Variants in HHIPL2 observed in about 807,000 individuals in gnomAD.
HHIPL2 encodes HHIP like 2.
A neutral mutation model predicts 61.0 loss-of-function variants in HHIPL2; 61 were observed. The ratio of observed to expected loss-of-function variants is 1.00; its 90% confidence interval spans 0.81 to 1.24. The LOEUF (loss-of-function observed/expected upper bound fraction) is 1.24. Ranked by LOEUF, HHIPL2 falls within the 50% of genes most tolerant of loss-of-function variation. The pLI is 0.00. For synonymous variants in HHIPL2, 343 were observed against 357.4 expected (o/e 0.96, Z 0.45); for missense variants, 885 against 910.2 (o/e 0.97, Z 0.36).
intron 4 of HHIPL2, 93 bp downstream of exon 4, chr1:222,539,917 C>A: frequency 9.5e-7 from 1 of 1,054,458 alleles, no homozygotes; most frequent in Non-Finnish European, 1.4e-6. Flanking sequence ...ATTTAAATGA[C>A]CTGCAGGGCA....
chr1:222,545,439 C>T (rs1659534531), intron 1 of HHIPL2, among the ~76,000 whole-genome samples: 1 of 152,110 alleles, frequency 6.6e-6, no homozygotes, highest in Non-Finnish European at 1.5e-5. Context: ...TTCGCAGGCT[C>T]CCCTCGGGGT....
At position 222,522,803 on chromosome 1, in the gene HHIPL2, T is replaced by C. The variant is rs1353204958; in HGVS notation, c.1973A>G (p.Gln658Arg). 6.2e-7 allele frequency: 1 copy of C among 1,614,024 alleles called. No individual in the cohort carries two copies. The highest frequency in any genetic ancestry group is 8.5e-7 in the Non-Finnish European group (1 of 1,180,028). ...SSATLASGPA[Q>R]GLSEKGSSKK... is the part of the protein sequence containing the mutation. ...GGAGGAGCCTTTCTCAGACAAACCC[T>C]GGGCTGGGCCAGAAGCTAAGGTTGC... The change falls in exon 9 of 9, where the codon CAG (glutamine) becomes CGG (arginine). Residue 658 changes from glutamine (Q) to arginine (R), a missense_variant. Coordinates refer to ENST00000343410, the MANE Select transcript of HHIPL2 (RefSeq NM_024746.4).
rs781259737 is a variant in HHIPL2, at chr1:222,538,772, C to G, written c.1453G>C (p.Asp485His). ...KKLCHNASLD[D>H]VLPIYAYGHA... Reference sequence around the variant, plus strand: ...CCATAAGCATAGATTGGCAGAACATCATCTGTCCAGGAGAGAGGAAAGAGA... The same window carrying G: ...CCATAAGCATAGATTGGCAGAACATGATCTGTCCAGGAGAGAGGAAAGAGA... Residue 485 changes from aspartate (D) to histidine (H), a missense_variant and splice_region_variant, in exon 5 of 9, where the codon GAT becomes CAT. Transcript: ENST00000343410. 6.2e-7 allele frequency: 1 copy of G among 1,614,106 alleles called. No homozygotes were observed. The highest frequency in any genetic ancestry group is 1.7e-5 in the Admixed American group (1 of 60,020).
Position 222,539,978 on chromosome 1 carries a change from C to T in HHIPL2, c.1450+32G>A, listed in dbSNP as rs747470915. On this transcript the variant is annotated intron_variant, in intron 4 of 8. Coordinates refer to ENST00000343410, the MANE Select transcript of HHIPL2 (RefSeq NM_024746.4). Reference sequence around the variant, plus strand: ...TCCACCTCCAGCCCACTCAACTCATCCAAGAAATCACCCAGAGAGCTTCTT... The same window carrying T: ...TCCACCTCCAGCCCACTCAACTCATTCAAGAAATCACCCAGAGAGCTTCTT... The T allele has an allele frequency of 5.1e-6, 8 of 1,582,710 alleles. No individual in the cohort carries two copies. In the Admixed American group the frequency reaches 1.4e-4, roughly 27 times the overall value.
chr1:222,539,928 G>C, intron 4 of HHIPL2, 82 bp downstream of exon 4: 1 of 1,158,512 alleles, frequency 8.6e-7, no homozygotes, highest in East Asian at 2.3e-5. Flanking sequence ...CTGCAGGGCA[G>C]GACATTCAGG....
chr1:222,538,210 G>GTGTGTA (rs1659344170), intron 5 of HHIPL2, among the ~76,000 whole-genome samples: 1 of 53,546 alleles, frequency 1.9e-5, no homozygotes, highest in African/African-American at 1.1e-4. Context: ...GTGTGTGTGT[G>GTGTGTA]TGTGTGTGTG....
chr1:222,531,866 G>C, intron 6 of HHIPL2, 100 bp downstream of exon 6: 1 of 1,070,336 alleles, frequency 9.3e-7, no homozygotes, highest in Non-Finnish European at 1.3e-6. Flanking sequence ...AGTGATCATA[G>C]TAGAAGTGAT....
chr1:222,546,459 G>A (rs940576462), intron 1 of HHIPL2, among the ~76,000 whole-genome samples: 10 of 152,184 alleles, frequency 6.6e-5, no homozygotes, highest in Admixed American at 1.3e-4. Flanking sequence ...AAATAAACAC[G>A]TGTAGGACTG....
intron 4 of HHIPL2, 74 bp downstream of exon 4, chr1:222,539,936 A>G: frequency 8.0e-7 from 1 of 1,244,306 alleles, no homozygotes; most frequent in South Asian, 1.4e-5. Flanking sequence ...CAGGACATTC[A>G]GGTTTTATTC....
intron 6 of HHIPL2, 96 bp from the exon 7 acceptor site, chr1:222,527,146 C>A (rs908505668): frequency 2.1e-5 from 19 of 918,240 alleles, no homozygotes; most frequent in Non-Finnish European, 3.1e-5. Flanking sequence ...GAGGTTATGG[C>A]CCTAAAATGC....
intron 7 of HHIPL2, among the ~76,000 whole-genome samples, chr1:222,525,646 T>C (rs1211838063): frequency 6.6e-6 from 1 of 152,218 alleles, no homozygotes; most frequent in African/African-American, 2.4e-5. Context: ...TGCATGTCTA[T>C]CTGTAAGCTA....
chr1:222,542,948 TAA>T (rs1321083260), intron 2 of HHIPL2, among the ~76,000 whole-genome samples: 1 of 152,154 alleles, frequency 6.6e-6, no homozygotes, highest in Non-Finnish European at 1.5e-5. Flanking sequence ...TTGAGTAACT[TAA>T]GAGGGGTTAA....
At chr1:222,532,216 C>A in intron 5 of HHIPL2, 105 bp from the exon 6 acceptor site, 2 of 993,196 alleles carry the variant, frequency 2.0e-6, no homozygotes, top group Non-Finnish European at 2.8e-6. Context: ...CTGAGTCCCC[C>A]ATTAAGAGAT....
intron 6 of HHIPL2, among the ~76,000 whole-genome samples, chr1:222,529,780 G>C (rs760313514): frequency 2.6e-5 from 4 of 152,178 alleles, no homozygotes; most frequent in Non-Finnish European, 4.4e-5. Context: ...CTCCACACCA[G>C]CCAGTCACTC....
chr1:222,524,119 C>T, intron 7 of HHIPL2: 1 of 166,662 alleles, frequency 6.0e-6, no homozygotes, highest in Non-Finnish European at 1.3e-5. Context: ...GATTCTGCTG[C>T]TGCTTCTGAT....
At chr1:222,523,093 A>C (rs888539208) in intron 8 of HHIPL2, among the ~76,000 whole-genome samples, 2 of 152,148 alleles carry the variant, frequency 1.3e-5, no homozygotes, top group South Asian at 4.1e-4. Context: ...TTAAGATAGT[A>C]TCCTTCCTCT....
At chr1:222,536,897 ATT>A (rs66516863) in intron 5 of HHIPL2, among the ~76,000 whole-genome samples, 2,938 of 135,404 alleles carry the variant, frequency 0.022, 86 homozygotes, top group African/African-American at 0.071. Flanking sequence ...AAAAAAAAAA[ATT>A]TTTTTTAATT....
At chr1:222,527,128 G>C in intron 6 of HHIPL2, 78 bp from the exon 7 acceptor site, 1 of 1,119,528 alleles carries the variant, frequency 8.9e-7, no homozygotes, top group South Asian at 1.4e-5. Flanking sequence ...ACAGAAAATG[G>C]TCAAAAAGAG....
chr1:222,531,479 G>A (rs184887423), intron 6 of HHIPL2, among the ~76,000 whole-genome samples: 87 of 152,354 alleles, frequency 5.7e-4, no homozygotes, highest in Non-Finnish European at 9.0e-4. Flanking sequence ...CGGGCGCGGT[G>A]GCTCACGCCT....
Sources: allele counts gnomAD v4.1 joint callset (sites outside exome capture counted in the v4.1 genomes callset), GRCh38; gene constraint gnomAD v4.1.1; transcripts MANE v1.5; gene names NCBI Gene and HGNC (gene_info 2026-07-23, HGNC 2026-07-21).